CDC5L: variants seen among roughly 807,000 people sequenced by gnomAD.
CDC5L encodes cell division cycle 5 like, also known as cell division cycle 5-like protein.
Under a neutral mutation model 104.1 loss-of-function variants are expected in CDC5L, and 18 were observed. The observed-to-expected ratio is 0.17, with a 90% CI of 0.12 to 0.26. CDC5L has a LOEUF of 0.26. Among genes scored for constraint, CDC5L ranks in the 10% least tolerant of loss-of-function variants. CDC5L has a pLI of 1.00. For synonymous variants in CDC5L, 331 were observed against 322.7 expected (o/e 1.03, Z -0.28); for missense variants, 673 against 956.9 (o/e 0.70, Z 3.91).
chr6:44,443,380 G>A (rs1384041240), intron 14 of CDC5L, among the ~76,000 whole-genome samples: 1 of 150,688 alleles, frequency 6.6e-6, no homozygotes, highest in Non-Finnish European at 1.5e-5. Flanking sequence ...CCTGGATCTA[G>A]CTTTCCATTT....
chr6:44,396,482 A>G (rs768881038), intron 5 of CDC5L, 42 bp downstream of exon 5: 2 of 1,285,794 alleles, frequency 1.6e-6, no homozygotes, highest in Middle Eastern at 3.8e-4. Flanking sequence ...TGTTTTTCTC[A>G]CATAACAATC....
intron 10 of CDC5L, among the ~76,000 whole-genome samples, chr6:44,423,724 C>G (rs1792292946): frequency 6.6e-6 from 1 of 152,104 alleles, no homozygotes; most frequent in African/African-American, 2.4e-5. Flanking sequence ...TACCAGGAGG[C>G]TTTTTTGGGA....
At chr6:44,432,021 C>A (rs920204054) in intron 14 of CDC5L, among the ~76,000 whole-genome samples, 3 of 152,010 alleles carry the variant, frequency 2.0e-5, no homozygotes, top group African/African-American at 7.3e-5. Flanking sequence ...TTAATCAAGT[C>A]CTTTAATTTG....
chr6:44,396,665 C>T (rs1000458055), intron 5 of CDC5L, among the ~76,000 whole-genome samples: 6 of 152,004 alleles, frequency 3.9e-5, no homozygotes, highest in Non-Finnish European at 8.8e-5. Flanking sequence ...GACTTAGTCC[C>T]ACAAGACTGA....
intron 14 of CDC5L, among the ~76,000 whole-genome samples, chr6:44,439,219 T>C (rs1793070957): frequency 6.6e-6 from 1 of 152,338 alleles, no homozygotes; most frequent in Admixed American, 6.5e-5. Flanking sequence ...CATTCCATTG[T>C]GTGGATAATA....
intron 4 of CDC5L, among the ~76,000 whole-genome samples, chr6:44,394,897 C>T (rs112880255): frequency 4.2e-4 from 4 of 9,518 alleles, no homozygotes; most frequent in Non-Finnish European, 1.6e-3. Context: ...GGTATACACA[C>T]ACACACACAC....
chr6:44,446,890 C>T lies in CDC5L; in HGVS notation c.*179C>T, dbSNP rs551748769. The T allele has an allele frequency of 3.2e-4, 123 of 383,352 alleles. 1 individual carries two copies. The highest frequency in any genetic ancestry group is 5.2e-4 in the African/African-American group (25 of 48,032). 23.7% of individuals were successfully genotyped at this position (383,352 alleles called of 1,614,324 possible). On this transcript the variant is annotated 3_prime_UTR_variant, in exon 16 of 16. Transcript: ENST00000371477. Reference sequence around the variant, plus strand: ...GTATAAAGACCTTAACTCCACAGGACGGACATTTTAGAGTTTAAATTATTA... The same window carrying T: ...GTATAAAGACCTTAACTCCACAGGATGGACATTTTAGAGTTTAAATTATTA...
intron 14 of CDC5L, among the ~76,000 whole-genome samples, chr6:44,432,402 G>C (rs1399138429): frequency 6.6e-6 from 1 of 152,112 alleles, no homozygotes; most frequent in African/African-American, 2.4e-5. Flanking sequence ...ATGGCTGCCA[G>C]TGTGTTTGAT....
intron 8 of CDC5L, 114 bp downstream of exon 8, chr6:44,408,746 C>T (rs1321741102): frequency 1.5e-6 from 1 of 658,676 alleles, no homozygotes; most frequent in East Asian, 2.8e-5. Flanking sequence ...TGGTTTGAAA[C>T]TGAGTCCTGA....
Position 44,447,807 on chromosome 6 carries a change from C to G in CDC5L, c.*1096C>G, listed in dbSNP as rs775010295. The G allele has an allele frequency of 3.9e-5, 6 of 152,178 alleles. No individual in the cohort carries two copies. The highest frequency in any genetic ancestry group is 7.3e-5 in the Non-Finnish European group (5 of 68,040). 9.4% of individuals were successfully genotyped at this position (152,178 alleles called of 1,614,324 possible). On this transcript the variant is annotated 3_prime_UTR_variant, in exon 16 of 16. Transcript: ENST00000371477. ...TGTTTATTTGGTGATTCTTATGTGT[C>G]AGACACTTAAGTGTTGGGAGATAAG...
chr6:44,435,075 AC>A (rs1031595347), intron 14 of CDC5L, among the ~76,000 whole-genome samples: 2 of 134,146 alleles, frequency 1.5e-5, no homozygotes, highest in African/African-American at 5.4e-5. Flanking sequence ...GTATATATGC[AC>A]CCCGCCCCCC....
Position 44,404,019 on chromosome 6 carries a change from G to A in CDC5L, c.750G>A (p.Glu250=). 1 of 1,604,556 alleles carries A rather than the reference G, an allele frequency of 6.2e-7. No homozygotes were observed. The highest frequency in any genetic ancestry group is 8.5e-7 in the Non-Finnish European group (1 of 1,177,014). The part of the protein sequence containing the change: ...RKLRQQDLDG[E]LRSEKEGRDR... ...TAAGACAACAGGATCTTGATGGGGA[G>A]CTAAGATCGTAAGTTGCCTTTCTGA... The change falls in exon 6 of 16, where the codon GAG becomes GAA. Residue 250 remains glutamate, a synonymous_variant. Coordinates refer to ENST00000371477, the MANE Select transcript of CDC5L (RefSeq NM_001253.4).
intron 8 of CDC5L, among the ~76,000 whole-genome samples, chr6:44,409,139 A>G (rs952027443): frequency 2.0e-5 from 3 of 152,204 alleles, no homozygotes; most frequent in African/African-American, 4.8e-5. Context: ...CCTCATCTCT[A>G]ATAGTCAGGA....
chr6:44,424,661 A>G, intron 11 of CDC5L, 78 bp downstream of exon 11: 3 of 1,372,038 alleles, frequency 2.2e-6, no homozygotes, highest in Non-Finnish European at 2.1e-6. Context: ...TAGCCATTAA[A>G]TGTCCCAAGA....
rs114254678 is a variant in CDC5L, at chr6:44,441,805, G to A, written c.2092-3850G>A. On this transcript the variant is annotated intron_variant, in intron 14 of 15. Coordinates refer to ENST00000371477, the MANE Select transcript of CDC5L (RefSeq NM_001253.4). ...GGTCCTTTCCCCATTTTAAAAATAG[G>A]GTTACTTGTTTTTTATTGAGTAGTT... Among the ~76,000 whole-genome samples the A allele has an allele frequency of 9.5e-3, 1,441 of 151,776 alleles. 25 individuals carry two copies. Among genetic ancestry groups the A allele is most frequent in the African/African-American group, 0.032 (1,331 of 41,366 alleles).
At chr6:44,420,436 A>G (rs1378154392) in intron 9 of CDC5L, among the ~76,000 whole-genome samples, 1 of 149,990 alleles carries the variant, frequency 6.7e-6, no homozygotes, top group Non-Finnish European at 1.5e-5. Context: ...TCGGCTCATC[A>G]CAACCTCCGC....
chr6:44,420,714 G>A (rs1792131567), intron 9 of CDC5L, among the ~76,000 whole-genome samples: 1 of 152,090 alleles, frequency 6.6e-6, no homozygotes, highest in Non-Finnish European at 1.5e-5. Context: ...TCATTGAAAC[G>A]TTTCAGATTT....
At chr6:44,413,941 A>G (rs1791782236) in intron 8 of CDC5L, among the ~76,000 whole-genome samples, 1 of 152,090 alleles carries the variant, frequency 6.6e-6, no homozygotes, top group Non-Finnish European at 1.5e-5. Flanking sequence ...ATCCTCACCA[A>G]CACTTGTTTT....
At chr6:44,439,924 A>T (rs1004428891) in intron 14 of CDC5L, among the ~76,000 whole-genome samples, 1 of 151,936 alleles carries the variant, frequency 6.6e-6, no homozygotes, top group African/African-American at 2.4e-5. Context: ...AGAGTGACTC[A>T]CTCTTACCCC....
Sources: gnomAD v4.1 joint callset for allele counts (sites outside exome capture counted in the v4.1 genomes callset) on GRCh38, gnomAD v4.1.1 for gene constraint, MANE v1.5 for transcripts, NCBI Gene and HGNC (gene_info 2026-07-23, HGNC 2026-07-21) for gene names.